EML1: variants seen among roughly 807,000 people sequenced by gnomAD.
EML1 encodes the protein EMAP like 1, also known as echinoderm microtubule-associated protein-like 1.
In EML1, 27 loss-of-function variants were observed where a neutral mutation model predicts 110.4. The observed-to-expected ratio is 0.24, with a 90% confidence interval of 0.18 to 0.34. The LOEUF (loss-of-function observed/expected upper bound fraction) is 0.34, where lower values mean the gene tolerates loss of function less well. EML1 is among the 10% of genes least tolerant of loss of function. The pLI is 1.00. For synonymous variants in EML1, 344 were observed against 385.8 expected, an observed-to-expected ratio of 0.89 and a Z score of 1.27; for missense variants, 741 against 1,030.9, an observed-to-expected ratio of 0.72 and a Z score of 3.85.
chr14:99,866,570 CAAAAAAAAAAAA>C (rs57796662), intron 3 of EML1, among the ~76,000 whole-genome samples: 1 of 80,114 alleles, frequency 1.2e-5, no homozygotes, highest in African/African-American at 5.5e-5. Context: ...AACTCCATCT[CAAAAAAAAAAAA>C]AAAAAAAAAA....
chr14:99,927,117 A>G (rs2060248806), intron 17 of EML1, among the ~76,000 whole-genome samples: 1 of 152,218 alleles, frequency 6.6e-6, no homozygotes, highest in Admixed American at 6.5e-5. Context: ...TTGATGTCTT[A>G]ATATCATCAG....
chr14:99,888,591 T>G (rs1186102572), intron 4 of EML1, among the ~76,000 whole-genome samples: 1 of 152,228 alleles, frequency 6.6e-6, no homozygotes, highest in African/African-American at 2.4e-5. Context: ...GGAGTTAAGA[T>G]TTCTTCTGCT....
chr14:99,756,066 A>T (rs937366653), intron 1 of EML1, among the ~76,000 whole-genome samples: 1 of 152,024 alleles, frequency 6.6e-6, no homozygotes, highest in Non-Finnish European at 1.5e-5. Flanking sequence ...ACAACATCTC[A>T]CCCCAGGATG....
At chr14:99,743,771 G>C (rs1394701925) in intron 1 of EML1, among the ~76,000 whole-genome samples, 1 of 152,220 alleles carries the variant, frequency 6.6e-6, no homozygotes, top group Non-Finnish European at 1.5e-5. Flanking sequence ...AGAGATGCAG[G>C]TTAGAAAGGC....
At position 99,940,152 on chromosome 14, in the gene EML1, GAC is replaced by G; in HGVS notation, c.*44_*45del. The stretch of plus-strand genomic sequence containing the variant: ...TGTGGGGAGCAGCATGGGCAAGGAA[GAC>G]ACAGACTCGCATTACCCTTGGTCAC... On this transcript the variant is annotated 3_prime_UTR_variant, in exon 22 of 22. Transcript: ENST00000262233. The G allele has an allele frequency of 1.4e-6, 2 of 1,469,034 alleles. No homozygotes were observed. Among genetic ancestry groups the G allele is most frequent in the Non-Finnish European group, 9.0e-7 (1 of 1,107,146 alleles). The allele number at this position is 1,469,034 out of a possible 1,614,324, so 91.0% of individuals were successfully genotyped here.
At chr14:99,875,827 T>G (rs1323989660) in intron 3 of EML1, among the ~76,000 whole-genome samples, 1 of 152,218 alleles carries the variant, frequency 6.6e-6, no homozygotes, top group African/African-American at 2.4e-5. Context: ...ATTTCAGAAA[T>G]GTAATGCTCT....
intron 1 of EML1, among the ~76,000 whole-genome samples, chr14:99,785,717 G>A (rs977548125): frequency 6.6e-6 from 1 of 152,170 alleles, no homozygotes; most frequent in African/African-American, 2.4e-5. Context: ...AACCAACCTC[G>A]TTCCCTGTTT....
intron 1 of EML1, among the ~76,000 whole-genome samples, chr14:99,782,466 G>A (rs2057551164): frequency 6.6e-6 from 1 of 152,180 alleles, no homozygotes; most frequent in Non-Finnish European, 1.5e-5. Flanking sequence ...TCGGGTGTGG[G>A]ATGGTGCATT....
intron 1 of EML1, among the ~76,000 whole-genome samples, chr14:99,802,961 C>A (rs58019682): frequency 0.12 from 17,775 of 152,082 alleles, 1,307 homozygotes; most frequent in East Asian, 0.37. Flanking sequence ...TTATCTTCAT[C>A]CCTGAGTGCC....
At chr14:99,923,640 C>CAATGACACTTTTGTCAAAAATCAAT (rs1595488252) in intron 17 of EML1, among the ~76,000 whole-genome samples, 1 of 15,180 alleles carries the variant, frequency 6.6e-5, no homozygotes. Flanking sequence ...TCAGTTCTGC[C>CAATGACACTTTTGTCAAAAATCAAT]CCCTTCACCT....
intron 1 of EML1, among the ~76,000 whole-genome samples, chr14:99,794,339 CTTT>C (rs113918392): frequency 7.1e-6 from 1 of 141,246 alleles, no homozygotes; most frequent in Admixed American, 7.1e-5. Flanking sequence ...GTTAACCACA[CTTT>C]TTTTTTTTTT....
intron 1 of EML1, among the ~76,000 whole-genome samples, chr14:99,748,584 C>G (rs899816196): frequency 2.6e-5 from 4 of 152,024 alleles, no homozygotes; most frequent in African/African-American, 9.7e-5. Context: ...GCCTGTGCAA[C>G]AAGTTCAAGG....
chr14:99,877,365 T>C (rs2059309823), intron 3 of EML1, among the ~76,000 whole-genome samples: 2 of 152,122 alleles, frequency 1.3e-5, no homozygotes, highest in African/African-American at 4.8e-5. Flanking sequence ...GTCCATAGTG[T>C]GCTCTAAGAG....
chr14:99,875,151 C>T (rs1023584059), intron 3 of EML1, among the ~76,000 whole-genome samples: 3 of 152,090 alleles, frequency 2.0e-5, no homozygotes, highest in Non-Finnish European at 2.9e-5. Flanking sequence ...TTTTTAGATG[C>T]TCAACTGGTC....
At chr14:99,778,151 G>A (rs1282970058) in intron 1 of EML1, among the ~76,000 whole-genome samples, 1 of 152,134 alleles carries the variant, frequency 6.6e-6, no homozygotes, top group Non-Finnish European at 1.5e-5. Flanking sequence ...GGAAGATGAA[G>A]ATTTAGTTCT....
At chr14:99,860,185 C>T (rs1490937577) in intron 2 of EML1, among the ~76,000 whole-genome samples, 1 of 152,156 alleles carries the variant, frequency 6.6e-6, no homozygotes, top group Non-Finnish European at 1.5e-5. Flanking sequence ...CCAAACACAG[C>T]GTTTCTCAGG....
At chr14:99,867,052 T>C (rs1297802130) in intron 3 of EML1, among the ~76,000 whole-genome samples, 1 of 152,148 alleles carries the variant, frequency 6.6e-6, no homozygotes, top group Non-Finnish European at 1.5e-5. Context: ...TAGTACCAAA[T>C]AGGAAGTTTT....
At chr14:99,922,347 C>T (rs1362133298) in intron 17 of EML1, among the ~76,000 whole-genome samples, 1 of 152,128 alleles carries the variant, frequency 6.6e-6, no homozygotes, top group Non-Finnish European at 1.5e-5. Flanking sequence ...AACTCCTGAC[C>T]TCAGGTGATC....
chr14:99,759,879 C>T (rs1400518744), intron 1 of EML1, among the ~76,000 whole-genome samples: 1 of 151,896 alleles, frequency 6.6e-6, no homozygotes, highest in African/African-American at 2.4e-5. Flanking sequence ...TTTGGGAGGC[C>T]GAGGTGGGTG....
Sources: allele counts gnomAD v4.1 joint callset (sites outside exome capture counted in the v4.1 genomes callset), GRCh38; gene constraint gnomAD v4.1.1; transcripts MANE v1.5; gene names NCBI Gene and HGNC (gene_info 2026-07-23, HGNC 2026-07-21).